PLD5: variants seen among roughly 807,000 people sequenced by gnomAD.
PLD5 encodes inactive phospholipase D5.
A neutral mutation model predicts 61.1 loss-of-function variants in PLD5; 36 were observed. That is an observed-to-expected ratio of 0.59 (90% CI 0.45 to 0.78). The LOEUF (loss-of-function observed/expected upper bound fraction) is 0.78, where lower values mean the gene tolerates loss of function less well. Among genes scored for constraint, PLD5 ranks in the 30% least tolerant of loss-of-function variants. PLD5 has a pLI of 0.00. For missense variants in PLD5, 515 were observed against 644.4 expected, an observed-to-expected ratio of 0.80 and a Z score of 2.17; for synonymous variants, 243 against 242.8, an observed-to-expected ratio of 1.00 and a Z score of -0.01.
intron 2 of PLD5, among the ~76,000 whole-genome samples, chr1:242,303,857 G>C (rs1469454796): frequency 6.6e-6 from 1 of 152,166 alleles, no homozygotes; most frequent in Non-Finnish European, 1.5e-5. Context: ...ACGAGAGGGC[G>C]ATTATATGTG....
chr1:242,179,511 T>C (rs1186644316), intron 5 of PLD5, among the ~76,000 whole-genome samples: 1 of 152,176 alleles, frequency 6.6e-6, no homozygotes, highest in Non-Finnish European at 1.5e-5. Context: ...AGATATTCAA[T>C]GCTGTGTTAC....
intron 3 of PLD5, among the ~76,000 whole-genome samples, chr1:242,272,429 A>G (rs1174411161): frequency 6.6e-6 from 1 of 152,154 alleles, no homozygotes; most frequent in Non-Finnish European, 1.5e-5. Context: ...CTCACTCTAT[A>G]TATCAAATCC....
chr1:242,195,515 T>A (rs1668586387), intron 5 of PLD5, among the ~76,000 whole-genome samples: 1 of 152,220 alleles, frequency 6.6e-6, no homozygotes, highest in East Asian at 1.9e-4. Flanking sequence ...ACAGAGAGCC[T>A]GACAATACTG....
chr1:242,527,383 G>T (rs899900578), upstream of PLD5, among the ~76,000 whole-genome samples: 1 of 152,020 alleles, frequency 6.6e-6, no homozygotes, highest in Non-Finnish European at 1.5e-5. Context: ...TGACCTGCCC[G>T]CCTCGGCCTC....
Position 242,286,828 on chromosome 1 carries a change from T to G in PLD5, c.495+1534A>C, listed in dbSNP as rs185788409. On this transcript the variant is annotated intron_variant, in intron 3 of 9. Transcript: ENST00000536534. ...AGCCCACGTAAGAGCAAAAGGGGTATTGGAGGTGATCTCTGGCTTCCTTCC... is the reference window on the plus strand; with the variant it reads ...AGCCCACGTAAGAGCAAAAGGGGTAGTGGAGGTGATCTCTGGCTTCCTTCC... Among the ~76,000 whole-genome samples, 501 of 152,290 alleles carry G rather than the reference T, an allele frequency of 3.3e-3. 3 individuals carry two copies. The highest frequency in any genetic ancestry group is 0.012 in the African/African-American group (482 of 41,576).
At position 242,524,454 on chromosome 1, in the gene PLD5, G is replaced by T; in HGVS notation, c.-178C>A. 1 of 496,114 alleles carries T rather than the reference G, an allele frequency of 2.0e-6. No individual in the cohort carries two copies. Among genetic ancestry groups the T allele is most frequent in the Non-Finnish European group, 3.1e-6 (1 of 326,082 alleles). 30.7% of individuals were successfully genotyped at this position (496,114 alleles called of 1,614,324 possible). On this transcript the variant is annotated 5_prime_UTR_variant, in exon 1 of 10. Coordinates refer to ENST00000536534, the MANE Select transcript of PLD5 (RefSeq NM_001372062.1). The stretch of plus-strand genomic sequence containing the variant: ...GCGCGGGGTGCTGAGCGCCAGCTGG[G>T]AGCGCGGCCGGGCGGGAGGGGGCGA...
At chr1:242,220,929 T>C (rs1574548181) in intron 4 of PLD5, among the ~76,000 whole-genome samples, 1 of 151,380 alleles carries the variant, frequency 6.6e-6, no homozygotes, top group African/African-American at 2.4e-5. Flanking sequence ...TAGAGAGGGG[T>C]TTTTACTATG....
In PLD5 at chr1:242,256,807, T is replaced by C. The variant is rs879420012; in HGVS notation, c.607+8530A>G. 6.6e-6 allele frequency among the ~76,000 whole-genome samples: 1 copy of C among 151,860 alleles called. No individual in the cohort carries two copies. The highest frequency in any genetic ancestry group is 1.5e-5 in the Non-Finnish European group (1 of 67,940). On this transcript the variant is annotated intron_variant, in intron 4 of 9. Coordinates refer to ENST00000536534, the MANE Select transcript of PLD5 (RefSeq NM_001372062.1). The surrounding 1 kb of genome is among the most constrained non-coding windows in gnomAD (Gnocchi z 5.7). ...CTATCTATCTATCTATTAATATCTA[T>C]CTTTCTATGTATCTGTCATCTATTT...
intron 1 of PLD5, among the ~76,000 whole-genome samples, chr1:242,418,044 T>C (rs970285096): frequency 5.3e-5 from 8 of 152,196 alleles, no homozygotes; most frequent in African/African-American, 1.7e-4. Context: ...AGAAAGCTTT[T>C]GCCACAATCC....
intron 9 of PLD5, among the ~76,000 whole-genome samples, 171 bp from the exon 10 acceptor site, chr1:242,090,281 A>G (rs1659720148): frequency 6.6e-6 from 1 of 152,214 alleles, no homozygotes. Flanking sequence ...AGCCTTACAT[A>G]TGGCATATTA....
At chr1:242,133,992 G>A (rs1302315358) in intron 5 of PLD5, among the ~76,000 whole-genome samples, 3 of 152,134 alleles carry the variant, frequency 2.0e-5, no homozygotes, top group Admixed American at 6.5e-5. Flanking sequence ...GCTTTCTGTC[G>A]TCTTAGCTTC....
chr1:242,482,328 G>T (rs1667807425), intron 1 of PLD5, among the ~76,000 whole-genome samples: 1 of 152,084 alleles, frequency 6.6e-6, no homozygotes, highest in Admixed American at 6.5e-5. Flanking sequence ...TAGATGAATG[G>T]CTAACTACAA....
intron 1 of PLD5, among the ~76,000 whole-genome samples, chr1:242,350,866 C>T (rs1245701081): frequency 6.6e-6 from 1 of 151,458 alleles, no homozygotes; most frequent in Non-Finnish European, 1.5e-5. Flanking sequence ...CTAGACCCTG[C>T]TTATCTGTAA....
intron 1 of PLD5, among the ~76,000 whole-genome samples, chr1:242,423,259 C>T (rs1270704241): frequency 1.6e-4 from 24 of 152,040 alleles, no homozygotes; most frequent in African/African-American, 4.6e-4. Context: ...TGGCTATGCA[C>T]AGCAGACAAT....
intron 2 of PLD5, among the ~76,000 whole-genome samples, chr1:242,302,816 T>C (rs999511096): frequency 6.6e-6 from 1 of 152,158 alleles, no homozygotes; most frequent in African/African-American, 2.4e-5. Context: ...TAAGCTTCTG[T>C]TTGTTTTTTC....
chr1:242,091,078 A>G (rs1574274219), intron 9 of PLD5, among the ~76,000 whole-genome samples: 1 of 151,752 alleles, frequency 6.6e-6, no homozygotes, highest in East Asian at 1.9e-4. Context: ...CTGTCTCTTC[A>G]TATTGTCTTC....
Position 242,288,376 on chromosome 1 carries a change from G to A in PLD5, c.481C>T (p.Pro161Ser), listed in dbSNP as rs752709510. The change falls in exon 3 of 10, where the codon CCA becomes TCA. Residue 161 changes from proline to serine, a missense_variant. Physicochemically the swap from Pro to Ser is moderately conservative, Grantham distance 74. Coordinates refer to ENST00000536534, the MANE Select transcript of PLD5 (RefSeq NM_001372062.1). The part of the protein sequence containing the change: ...SSHWDLNHTH[P>S]SACQGQRLFE... The stretch of plus-strand genomic sequence containing the variant: ...ATGTAGCTTACCTGACATGCTGATG[G>A]ATGAGTGTGGTTGAGATCCCAATGG... 1 of 1,612,876 alleles carries A rather than the reference G, an allele frequency of 6.2e-7. No homozygotes were observed. The highest frequency in any genetic ancestry group is 1.7e-5 in the Admixed American group (1 of 59,706).
chr1:242,164,170 A>AAAG (rs1417557159), intron 5 of PLD5, among the ~76,000 whole-genome samples: 1 of 151,834 alleles, frequency 6.6e-6, no homozygotes, highest in African/African-American at 2.4e-5. Flanking sequence ...GAATGCAGAA[A>AAAG]AAAAAAAAAG....
intron 1 of PLD5, among the ~76,000 whole-genome samples, chr1:242,480,827 A>G (rs889861726): frequency 1.3e-5 from 2 of 152,210 alleles, no homozygotes; most frequent in African/African-American, 2.4e-5. Flanking sequence ...AAAATATCCA[A>G]AATTAATGAA....
Sources: allele counts gnomAD v4.1 joint callset (sites outside exome capture counted in the v4.1 genomes callset), GRCh38; gene constraint gnomAD v4.1.1; non-coding constraint Gnocchi (gnomAD v3.1); transcripts MANE v1.5; gene names NCBI Gene and HGNC (gene_info 2026-07-23, HGNC 2026-07-21).